ANKEF1: variants seen among roughly 807,000 people sequenced by gnomAD.
ANKEF1 encodes ankyrin repeat and EF-hand domain containing 1, also known as ankyrin repeat and EF-hand domain-containing protein 1.
Under a neutral mutation model 65.1 loss-of-function variants are expected in ANKEF1, and 43 were observed. The observed-to-expected ratio is 0.66, with a 90% CI of 0.52 to 0.85. The LOEUF is 0.85. ANKEF1 is among the 40% of genes least tolerant of loss of function. The probability of loss-of-function intolerance (pLI) is 0.00; values close to 1 mark genes in which losing one functional copy is unlikely to be tolerated. For missense variants in ANKEF1, 934 were observed against 952.9 expected, an observed-to-expected ratio of 0.98 and a Z score of 0.26; for synonymous variants, 316 against 341.5, an observed-to-expected ratio of 0.93 and a Z score of 0.82.
intron 7 of ANKEF1, among the ~76,000 whole-genome samples, chr20:10,050,797 CT>C (rs1311983927): frequency 6.6e-6 from 1 of 152,154 alleles, no homozygotes; most frequent in Non-Finnish European, 1.5e-5. Context: ...TTTAATCTGC[CT>C]CTATTTGAGG....
At chr20:10,048,401 T>G (rs912806837) in intron 6 of ANKEF1, among the ~76,000 whole-genome samples, 2 of 152,190 alleles carry the variant, frequency 1.3e-5, no homozygotes, top group Non-Finnish European at 2.9e-5. Flanking sequence ...GCATTTATTC[T>G]TTGTGTTACA....
At chr20:10,043,431 T>G in intron 4 of ANKEF1, 110 bp downstream of exon 4, 1 of 1,016,542 alleles carries the variant, frequency 9.8e-7, no homozygotes, top group Admixed American at 2.3e-5. Flanking sequence ...ACTGTTCATT[T>G]TGATTCAAAA....
At position 10,053,198 on chromosome 20, in the gene ANKEF1, C is replaced by G; in HGVS notation, c.1957C>G (p.Pro653Ala). The G allele has an allele frequency of 6.2e-7, 1 of 1,613,580 alleles. No homozygotes were observed. The highest frequency in any genetic ancestry group is 1.1e-5 in the South Asian group (1 of 91,030). Residue 653 changes from proline (P) to alanine (A), a missense_variant, in exon 9 of 11, where the codon CCA becomes GCA. Physicochemically the swap from Pro to Ala is conservative, Grantham distance 27. Coordinates refer to ENST00000378392, the MANE Select transcript of ANKEF1 (RefSeq NM_022096.6). ...IKEKLDNLPKPAENQKLKGKT... is the reference protein window; with the variant it reads ...IKEKLDNLPKAAENQKLKGKT... ...AGAAAAGCTAGATAACTTGCCGAAACCAGCAGAAAATCAAAAACTAAAAGG... is the reference window on the plus strand; with the variant it reads ...AGAAAAGCTAGATAACTTGCCGAAAGCAGCAGAAAATCAAAAACTAAAAGG...
At chr20:10,044,371 A>C (rs1315365113) in intron 4 of ANKEF1, 23 bp from the exon 5 acceptor site, 2 of 1,613,024 alleles carry the variant, frequency 1.2e-6, no homozygotes, top group Non-Finnish European at 8.5e-7. Flanking sequence ...ACAGCATCTC[A>C]TATTGGACTA....
In ANKEF1 at chr20:10,055,735, T is replaced by C. The variant is rs1985114114; in HGVS notation, c.*75T>C. On this transcript the variant is annotated 3_prime_UTR_variant, in exon 11 of 11. Transcript: ENST00000378392. ...TCTTTGGAGAAAGTAGATATTTCCA[T>C]CAAAGCCAAAGCAATCCATACACCA... The C allele has an allele frequency of 6.5e-7, 1 of 1,530,592 alleles. No individual in the cohort carries two copies. Among genetic ancestry groups the C allele is most frequent in the African/African-American group, 1.4e-5 (1 of 72,938 alleles). 94.8% of individuals were successfully genotyped at this position (1,530,592 alleles called of 1,614,324 possible).
chr20:10,045,711 G>T lies in ANKEF1; in HGVS notation c.820+14G>T. On this transcript the variant is annotated intron_variant, in intron 6 of 10. Transcript: ENST00000378392. ...TAGCTCAGCGAGGTAAAATTGTCTA[G>T]CAATTTTGTGCTTCAAGTACTTATG... The T allele has an allele frequency of 6.2e-7, 1 of 1,612,732 alleles. No homozygotes were observed. Among genetic ancestry groups the T allele is most frequent in the Non-Finnish European group, 8.5e-7 (1 of 1,179,116 alleles).
At chr20:10,046,821 T>G (rs1984549823) in intron 6 of ANKEF1, among the ~76,000 whole-genome samples, 1 of 152,192 alleles carries the variant, frequency 6.6e-6, no homozygotes, top group Admixed American at 6.5e-5. Flanking sequence ...TCACTAAAAT[T>G]ATAAATAAAA....
chr20:10,055,703 G>A lies in ANKEF1; in HGVS notation c.*43G>A. ...TTGGGGTAAATGCTTTGAGGCCCAG[G>A]GACCAATCTTTGGAGAAAGTAGATA... On this transcript the variant is annotated 3_prime_UTR_variant, in exon 11 of 11. Transcript: ENST00000378392. The A allele has an allele frequency of 6.2e-7, 1 of 1,602,628 alleles. No homozygotes were observed. The highest frequency in any genetic ancestry group is 8.5e-7 in the Non-Finnish European group (1 of 1,170,982).
intron 6 of ANKEF1, among the ~76,000 whole-genome samples, chr20:10,048,418 C>A (rs1600519095): frequency 6.6e-6 from 1 of 152,142 alleles, no homozygotes; most frequent in Middle Eastern, 3.4e-3. Flanking sequence ...TACAAATAAT[C>A]CAATTACGCT....
Position 10,055,792 on chromosome 20 carries a change from T to A in ANKEF1, c.*132T>A. The A allele has an allele frequency of 1.2e-6, 1 of 812,388 alleles. No homozygotes were observed. The highest frequency in any genetic ancestry group is 1.9e-6 in the Non-Finnish European group (1 of 516,194). The allele number at this position is 812,388 out of a possible 1,614,324, so 50.3% of individuals were successfully genotyped here. Reference sequence around the variant, plus strand: ...TGTTACCAAGAATTTCTTTTTGCTTTAACAACTATAAATATTCTTAGCTGT... The same window carrying A: ...TGTTACCAAGAATTTCTTTTTGCTTAAACAACTATAAATATTCTTAGCTGT... On this transcript the variant is annotated 3_prime_UTR_variant, in exon 11 of 11. Transcript: ENST00000378392.
Position 10,050,220 on chromosome 20 carries a change from T to G in ANKEF1, c.1643+8T>G. Reference sequence around the variant, plus strand: ...GTTTCTTCTTGAAAAAGGGTACGCGTCTCCGTCGGGTGTGGCCTAAATTTT... The same window carrying G: ...GTTTCTTCTTGAAAAAGGGTACGCGGCTCCGTCGGGTGTGGCCTAAATTTT... On this transcript the variant is annotated splice_region_variant and intron_variant, in intron 7 of 10. Coordinates refer to ENST00000378392, the MANE Select transcript of ANKEF1 (RefSeq NM_022096.6). 6.3e-7 allele frequency: 1 copy of G among 1,588,034 alleles called. No homozygotes were observed. The highest frequency in any genetic ancestry group is 8.6e-7 in the Non-Finnish European group (1 of 1,166,448).
At chr20:10,050,793 C>T (rs1378257812) in intron 7 of ANKEF1, among the ~76,000 whole-genome samples, 1 of 152,176 alleles carries the variant, frequency 6.6e-6, no homozygotes. Flanking sequence ...ACTTTTTAAT[C>T]TGCCTCTATT....
Position 10,049,885 on chromosome 20 carries a change from C to G in ANKEF1, c.1316C>G (p.Pro439Arg). 6.2e-7 allele frequency: 1 copy of G among 1,614,154 alleles called. No individual in the cohort carries two copies. The highest frequency in any genetic ancestry group is 8.5e-7 in the Non-Finnish European group (1 of 1,180,028). The part of the protein sequence containing the change: ...FVLPLPICVI[P>R]EYAFPRRQDG... ...TTACCCCTTCCAATCTGTGTCATTC[C>G]TGAGTACGCGTTTCCACGCCGGCAG... The change falls in exon 7 of 11, where the codon CCT (proline) becomes CGT (arginine). Residue 439 changes from proline (P) to arginine (R), a missense_variant. Transcript: ENST00000378392.
At chr20:10,047,989 G>T (rs1482171959) in intron 6 of ANKEF1, among the ~76,000 whole-genome samples, 1 of 152,168 alleles carries the variant, frequency 6.6e-6, no homozygotes, top group East Asian at 1.9e-4. Context: ...GGCTTGAGAG[G>T]TGGGATCAAA....
At chr20:10,038,670 C>T (rs200004813) in intron 3 of ANKEF1, 23 bp downstream of exon 3, 2 of 1,513,158 alleles carry the variant, frequency 1.3e-6, no homozygotes, top group Admixed American at 1.9e-5. Flanking sequence ...ACATCCTCTC[C>T]AGCAGATTGC....
intron 10 of ANKEF1, among the ~76,000 whole-genome samples, chr20:10,054,939 G>T (rs1261283918): frequency 6.6e-6 from 1 of 151,972 alleles, no homozygotes; most frequent in Non-Finnish European, 1.5e-5. Flanking sequence ...ACCCTTCTTT[G>T]TACTTAACTA....
chr20:10,041,922 G>T (rs1244241438), intron 3 of ANKEF1, among the ~76,000 whole-genome samples: 1 of 152,122 alleles, frequency 6.6e-6, no homozygotes, highest in African/African-American at 2.4e-5. Context: ...ACAAAGTCTT[G>T]ATTGGGTATA....
intron 8 of ANKEF1, among the ~76,000 whole-genome samples, chr20:10,052,640 T>C (rs1340516844): frequency 6.6e-6 from 1 of 152,128 alleles, no homozygotes; most frequent in Admixed American, 6.6e-5. Flanking sequence ...CTGTCCTGCC[T>C]GATGATATTA....
In ANKEF1 at chr20:10,050,079, G is replaced by T; in HGVS notation, c.1510G>T (p.Asp504Tyr). Residue 504 changes from aspartate to tyrosine, a missense_variant, in exon 7 of 11, where the codon GAT becomes TAT. Transcript: ENST00000378392. ...CATTAATATTATCACCAAAGCAGGG[G>T]ATCTGGCTTCTCTGAAAAAGGCCTT... is the stretch of plus-strand genomic sequence containing the variant. ...SNINIITKAG[D>Y]LASLKKAFES... is the part of the protein sequence containing the mutation. The T allele has an allele frequency of 6.2e-7, 1 of 1,614,158 alleles. No homozygotes were observed.
Sources: gnomAD v4.1 joint callset for allele counts (sites outside exome capture counted in the v4.1 genomes callset) on GRCh38, gnomAD v4.1.1 for gene constraint, MANE v1.5 for transcripts, NCBI Gene and HGNC (gene_info 2026-07-23, HGNC 2026-07-21) for gene names.